Variants in GBF1 observed in about 807,000 individuals in gnomAD.
The protein encoded by GBF1 is golgi brefeldin A resistant guanine nucleotide exchange factor 1.
A neutral mutation model predicts 210.5 loss-of-function variants in GBF1; 114 were observed. The ratio of observed to expected loss-of-function variants is 0.54; its 90% CI spans 0.47 to 0.63. The LOEUF (loss-of-function observed/expected upper bound fraction) is 0.63. Ranked by LOEUF, GBF1 falls within the 30% of genes least tolerant of loss-of-function variation. GBF1 has a pLI of 0.00. For missense variants in GBF1, 1,851 were observed against 2,357.7 expected (o/e 0.79, Z 4.45); for synonymous variants, 850 against 889.2 (o/e 0.96, Z 0.78).
chr10:102,296,551 TG>T (rs1483071309), intron 3 of GBF1, among the ~76,000 whole-genome samples: 2 of 151,962 alleles, frequency 1.3e-5, no homozygotes, highest in Non-Finnish European at 2.9e-5. Flanking sequence ...AAGACCAGCC[TG>T]GCCAAGATGG....
Position 102,260,131 on chromosome 10 carries a change from G to A in GBF1, c.163+15G>A, listed in dbSNP as rs1264663465. ...CAGTATAACAGGTAAGTCTCCATAT[G>A]TATGTGGATTACTAATCTTGGTAAA... On this transcript the variant is annotated intron_variant, in intron 3 of 39. Coordinates refer to ENST00000369983, the MANE Select transcript of GBF1 (RefSeq NM_001377137.1). The A allele has an allele frequency of 7.8e-7, 1 of 1,289,228 alleles. No homozygotes were observed. The highest frequency in any genetic ancestry group is 1.8e-5 in the Admixed American group (1 of 55,506). The allele number at this position is 1,289,228 out of a possible 1,614,324, so 79.9% of individuals were successfully genotyped here. A position where few individuals can be genotyped will look rare whatever the true frequency, so the allele number is the denominator to read the frequency against.
At chr10:102,263,692 C>T (rs1225518638) in intron 3 of GBF1, among the ~76,000 whole-genome samples, 6 of 152,152 alleles carry the variant, frequency 3.9e-5, no homozygotes, top group African/African-American at 1.2e-4. Flanking sequence ...TAGTTTTTCT[C>T]ACAGATGTAT....
chr10:102,353,359 A>G (rs921380335), intron 7 of GBF1, among the ~76,000 whole-genome samples: 1 of 151,806 alleles, frequency 6.6e-6, no homozygotes, highest in Admixed American at 6.6e-5. Flanking sequence ...GAGCCTCCAC[A>G]CTCCAAGGGC....
intron 3 of GBF1, among the ~76,000 whole-genome samples, chr10:102,321,662 TG>T (rs2056409870): frequency 6.6e-6 from 1 of 152,196 alleles, no homozygotes; most frequent in African/African-American, 2.4e-5. Flanking sequence ...CTCCACCTCC[TG>T]GGCTCAAGCA....
chr10:102,381,822 C>CGA (rs141680642), intron 39 of GBF1, among the ~76,000 whole-genome samples: 11,660 of 57,652 alleles, frequency 0.2, 1,553 homozygotes, highest in East Asian at 0.39. Context: ...GACCCTGTCG[C>CGA]GAAAAAAAAA....
intron 25 of GBF1, 41 bp from the exon 26 acceptor site, chr10:102,369,820 G>C: frequency 6.2e-7 from 1 of 1,614,164 alleles, no homozygotes; most frequent in Non-Finnish European, 8.5e-7. Context: ...GGGAGAGTCA[G>C]AACTTTGGGG....
chr10:102,336,368 T>C (rs190143248), intron 3 of GBF1, among the ~76,000 whole-genome samples: 4 of 149,372 alleles, frequency 2.7e-5, no homozygotes, highest in Admixed American at 2.7e-4. Flanking sequence ...AACACTGGAC[T>C]GCTGTGACTC....
At chr10:102,254,057 A>G (rs1024400596) in intron 1 of GBF1, among the ~76,000 whole-genome samples, 6 of 152,098 alleles carry the variant, frequency 3.9e-5, no homozygotes, top group Non-Finnish European at 8.8e-5. Context: ...TTACTCCTTT[A>G]TATTAGTTAT....
intron 36 of GBF1, 79 bp downstream of exon 36, chr10:102,380,033 G>A: frequency 2.0e-6 from 2 of 993,248 alleles, no homozygotes; most frequent in Non-Finnish European, 1.6e-6. Context: ...CTTCTGGCAG[G>A]ACCTAGAGAT....
chr10:102,313,332 T>C (rs1161049602), intron 3 of GBF1, among the ~76,000 whole-genome samples: 1 of 152,068 alleles, frequency 6.6e-6, no homozygotes, highest in Non-Finnish European at 1.5e-5. Flanking sequence ...TTACGAGGTG[T>C]GGGCCCTTAC....
intron 3 of GBF1, among the ~76,000 whole-genome samples, chr10:102,316,444 A>G (rs997421375): frequency 6.6e-6 from 1 of 152,242 alleles, no homozygotes; most frequent in Middle Eastern, 3.4e-3. Flanking sequence ...AAGTAAGGAC[A>G]TGGATTGCTT....
chr10:102,233,715 G>A, the GBF1 span, among the ~76,000 whole-genome samples: 138 of 152,262 alleles, frequency 9.1e-4, no homozygotes, highest in Non-Finnish European at 1.3e-3. Flanking sequence ...TGCCTGCACC[G>A]ACACACACTG....
chr10:102,278,023 A>C (rs959456667), intron 3 of GBF1, among the ~76,000 whole-genome samples: 16 of 152,090 alleles, frequency 1.1e-4, no homozygotes, highest in African/African-American at 3.9e-4. Flanking sequence ...TTGGGAGGCC[A>C]AGGCAGGAGG....
At chr10:102,274,449 A>T (rs557694809) in intron 3 of GBF1, among the ~76,000 whole-genome samples, 33 of 151,922 alleles carry the variant, frequency 2.2e-4, no homozygotes, top group South Asian at 1.5e-3. Flanking sequence ...TATTAAAAAA[A>T]TTTTTTTCAC....
intron 3 of GBF1, among the ~76,000 whole-genome samples, chr10:102,292,504 C>T (rs1489595780): frequency 6.6e-6 from 1 of 152,144 alleles, no homozygotes; most frequent in Non-Finnish European, 1.5e-5. Context: ...GCTGGGGCTA[C>T]AGGTGTGTGC....
chr10:102,353,609 G>C lies in GBF1; in HGVS notation c.594G>C (p.Gln198His). ...ATTTTCTATCTTATAGGTTACCTCA[G>C]TTTAAAGAAGAACCCAAGAACTATG... ...MVQLLFTRLP[Q>H]FKEEPKNYVG... The change falls in exon 8 of 40, where the codon CAG (glutamine) becomes CAC (histidine). Residue 198 changes from glutamine to histidine, a missense_variant. Physicochemically the swap from Gln to His is conservative, Grantham distance 24. Coordinates refer to ENST00000369983, the MANE Select transcript of GBF1 (RefSeq NM_001377137.1). 6.2e-7 allele frequency: 1 copy of C among 1,605,266 alleles called. No homozygotes were observed. The highest frequency in any genetic ancestry group is 8.5e-7 in the Non-Finnish European group (1 of 1,171,918).
intron 1 of GBF1, among the ~76,000 whole-genome samples, chr10:102,246,858 C>G (rs187506903): frequency 2.0e-5 from 3 of 152,332 alleles, no homozygotes; most frequent in Admixed American, 2.0e-4. Flanking sequence ...AAAAGGCACT[C>G]TAGGCCCTGT....
At chr10:102,323,695 C>T (rs771756566) in intron 3 of GBF1, among the ~76,000 whole-genome samples, 1 of 151,888 alleles carries the variant, frequency 6.6e-6, no homozygotes, top group Non-Finnish European at 1.5e-5. Context: ...CGTGAGCCAC[C>T]ATGCCTGGCC....
chr10:102,363,678 A>G lies in GBF1; in HGVS notation c.2018-32A>G, dbSNP rs772045336. The G allele has an allele frequency of 7.1e-7, 1 of 1,407,268 alleles. No individual in the cohort carries two copies. The highest frequency in any genetic ancestry group is 1.0e-6 in the Non-Finnish European group (1 of 991,690). The allele number at this position is 1,407,268 out of a possible 1,614,324, so 87.2% of individuals were successfully genotyped here. A position where few individuals can be genotyped will look rare whatever the true frequency, so the allele number is the denominator to read the frequency against. On this transcript the variant is annotated intron_variant, in intron 16 of 39. Coordinates refer to ENST00000369983, the MANE Select transcript of GBF1 (RefSeq NM_001377137.1). This position sits in a 1 kb window ranked among gnomAD's most constrained non-coding sequence, Gnocchi z 4.2. ...TTATCTGGGTAAAAAAAGGTGTTACAGATATTTCCCCCCTCTTCTTCCTAC... is the reference window on the plus strand; with the variant it reads ...TTATCTGGGTAAAAAAAGGTGTTACGGATATTTCCCCCCTCTTCTTCCTAC...
Sources: allele counts gnomAD v4.1 joint callset (sites outside exome capture counted in the v4.1 genomes callset), GRCh38; gene constraint gnomAD v4.1.1; non-coding constraint Gnocchi (gnomAD v3.1); transcripts MANE v1.5; gene names NCBI Gene and HGNC (gene_info 2026-07-23, HGNC 2026-07-21).